Variants in PDZD2 observed in about 807,000 individuals in gnomAD.
PDZD2 encodes the protein PDZ domain containing 2.
In PDZD2, 90 loss-of-function variants were observed where a neutral mutation model predicts 220.7. The ratio of observed to expected loss-of-function variants is 0.41; its 90% CI spans 0.34 to 0.49. PDZD2 has a LOEUF of 0.49. Ranked by LOEUF, PDZD2 falls within the 20% of genes least tolerant of loss-of-function variation. The pLI, the probability that PDZD2 is intolerant of heterozygous loss-of-function variation, is 0.28. For missense variants in PDZD2, 3,174 were observed against 3,608.5 expected (o/e 0.88, Z 3.08); for synonymous variants, 1,375 against 1,450.5 (o/e 0.95, Z 1.18).
intron 2 of PDZD2, among the ~76,000 whole-genome samples, chr5:31,944,650 C>T (rs1746476068): frequency 6.6e-6 from 1 of 152,196 alleles, no homozygotes; most frequent in African/African-American, 2.4e-5. Context: ...CTTTAGATCC[C>T]AGAGTAACTG....
intron 1 of PDZD2, among the ~76,000 whole-genome samples, chr5:31,741,467 A>C (rs1179310591): frequency 6.6e-6 from 1 of 151,966 alleles, no homozygotes; most frequent in East Asian, 1.9e-4. Context: ...CTGCAAGATC[A>C]CAGCAGGTCT....
intron 1 of PDZD2, among the ~76,000 whole-genome samples, chr5:31,643,251 C>G (rs1661075724): frequency 6.6e-6 from 1 of 152,186 alleles, no homozygotes. Context: ...GCAGACTTGC[C>G]TGAAGCTTTC....
At chr5:31,649,660 C>T (rs1456452588) in intron 1 of PDZD2, among the ~76,000 whole-genome samples, 1 of 151,884 alleles carries the variant, frequency 6.6e-6, no homozygotes, top group African/African-American at 2.4e-5. Context: ...CTCGGCTGGG[C>T]GCGGCAGCGC....
rs1234812999 is a variant in PDZD2, at chr5:31,867,526, G to A, written c.476+67802G>A. ...CTCTGGGAGGCCTTTGCTGCTACACGGAGATCGGTGCTGCTTCTGGTTTGG... is the reference window on the plus strand; with the variant it reads ...CTCTGGGAGGCCTTTGCTGCTACACAGAGATCGGTGCTGCTTCTGGTTTGG... On this transcript the variant is annotated intron_variant, in intron 2 of 24. Transcript: ENST00000438447. 4.6e-5 allele frequency among the ~76,000 whole-genome samples: 7 copies of A among 152,280 alleles called. No homozygotes were observed. In the South Asian group the frequency reaches 1.4e-3, roughly 32 times the overall value.
chr5:31,881,898 T>C (rs1252517342), intron 2 of PDZD2, among the ~76,000 whole-genome samples: 2 of 151,766 alleles, frequency 1.3e-5, no homozygotes, highest in African/African-American at 2.4e-5. Flanking sequence ...TGGTACTTTT[T>C]AGTAGAGACG....
intron 2 of PDZD2, among the ~76,000 whole-genome samples, chr5:31,910,015 C>T (rs941471538): frequency 2.6e-5 from 4 of 152,148 alleles, no homozygotes; most frequent in African/African-American, 7.2e-5. Context: ...GCGTTTACTA[C>T]GTGCCAAATA....
chr5:31,832,631 C>G (rs1036133101), intron 2 of PDZD2: 2 of 152,178 alleles, frequency 1.3e-5, no homozygotes, highest in African/African-American at 4.8e-5. Flanking sequence ...GTCTGGCCAA[C>G]ACGGTGAAAC....
intron 2 of PDZD2, among the ~76,000 whole-genome samples, chr5:31,918,552 A>G (rs1389211518): frequency 6.6e-6 from 1 of 152,230 alleles, no homozygotes; most frequent in African/African-American, 2.4e-5. Context: ...TGTCTCAGGG[A>G]TAACCTTTCT....
At chr5:31,847,504 G>A (rs1402390473) in intron 2 of PDZD2, 4 of 641,726 alleles carry the variant, frequency 6.2e-6, no homozygotes, top group Non-Finnish European at 1.2e-5. Context: ...CACAGCTTAT[G>A]CACACACTGC....
chr5:31,680,708 G>A (rs1746615589), intron 1 of PDZD2, among the ~76,000 whole-genome samples: 1 of 152,106 alleles, frequency 6.6e-6, no homozygotes, highest in Admixed American at 6.5e-5. Context: ...TTCTCGTCAG[G>A]ACGTGCGAGC....
chr5:31,901,428 A>G (rs570180256), intron 2 of PDZD2, among the ~76,000 whole-genome samples: 19 of 151,804 alleles, frequency 1.3e-4, no homozygotes, highest in African/African-American at 3.9e-4. Context: ...AAAAAAAAAA[A>G]AAGAAGAAGA....
intron 2 of PDZD2, among the ~76,000 whole-genome samples, chr5:31,837,968 A>G (rs1408051950): frequency 6.6e-6 from 1 of 152,244 alleles, no homozygotes; most frequent in Non-Finnish European, 1.5e-5. Flanking sequence ...AAGAAAATGT[A>G]TATACACATG....
intron 1 of PDZD2, among the ~76,000 whole-genome samples, chr5:31,770,509 C>A (rs1327260671): frequency 6.6e-6 from 1 of 152,152 alleles, no homozygotes; most frequent in African/African-American, 2.4e-5. Flanking sequence ...CCCCCAGTTT[C>A]CAGTTCATTG....
intron 2 of PDZD2, among the ~76,000 whole-genome samples, chr5:31,958,803 C>A (rs1378291855): frequency 6.6e-6 from 1 of 152,008 alleles, no homozygotes; most frequent in African/African-American, 2.4e-5. Flanking sequence ...TAAATAACAT[C>A]TTTTGTATAG....
chr5:31,757,875 G>T (rs1040625885), intron 1 of PDZD2, among the ~76,000 whole-genome samples: 6 of 152,200 alleles, frequency 3.9e-5, no homozygotes, highest in African/African-American at 1.2e-4. Flanking sequence ...CACCAGCTGT[G>T]CTGGGCTATT....
In PDZD2 at chr5:31,671,698, G is replaced by A. The variant is rs146993955; in HGVS notation, c.-361+32261G>A. On this transcript the variant is annotated intron_variant, in intron 1 of 24. Coordinates refer to ENST00000438447, the MANE Select transcript of PDZD2 (RefSeq NM_178140.4). Reference sequence around the variant, plus strand: ...GATGACTATCCAAGGCCAGGCACCCGCGGCCTCCACTAATGCTTCTCAATG... The same window carrying A: ...GATGACTATCCAAGGCCAGGCACCCACGGCCTCCACTAATGCTTCTCAATG... Among the ~76,000 whole-genome samples, 380 of 152,278 alleles carry A rather than the reference G, an allele frequency of 2.5e-3. 1 individual carries two copies. The highest frequency in any genetic ancestry group is 8.0e-3 in the African/African-American group (333 of 41,562).
intron 2 of PDZD2, among the ~76,000 whole-genome samples, chr5:31,877,577 G>A (rs1023196079): frequency 2.6e-5 from 4 of 152,088 alleles, no homozygotes; most frequent in Admixed American, 2.0e-4. Context: ...TTTGTTCATT[G>A]TCATATCACT....
At chr5:31,892,873 G>C (rs1741181926) in intron 2 of PDZD2, among the ~76,000 whole-genome samples, 1 of 152,094 alleles carries the variant, frequency 6.6e-6, no homozygotes, top group South Asian at 2.1e-4. Flanking sequence ...GCCCAGCTGG[G>C]CCTAGTTTCT....
chr5:31,999,311 G>A (rs146868889), intron 4 of PDZD2, among the ~76,000 whole-genome samples: 281 of 147,756 alleles, frequency 1.9e-3, no homozygotes, highest in African/African-American at 6.7e-3. Flanking sequence ...GTTTTGATTC[G>A]TCCTTCTGTA....
Sources: allele counts gnomAD v4.1 joint callset (sites outside exome capture counted in the v4.1 genomes callset), GRCh38; gene constraint gnomAD v4.1.1; transcripts MANE v1.5; gene names NCBI Gene and HGNC (gene_info 2026-07-23, HGNC 2026-07-21).